MTERF4: variants seen among roughly 807,000 people sequenced by gnomAD.
MTERF4 encodes mitochondrial transcription termination factor 4.
MTERF4 carries 17 observed loss-of-function variants against 22.5 expected under a neutral mutation model. That is an observed-to-expected ratio of 0.75 (90% CI 0.52 to 1.13). The LOEUF (loss-of-function observed/expected upper bound fraction) is 1.13, where lower values mean the gene tolerates loss of function less well. Ranked by LOEUF, MTERF4 falls within the 50% of genes most tolerant of loss-of-function variation. The pLI is 0.00. For synonymous variants in MTERF4, 165 were observed against 175.3 expected, an observed-to-expected ratio of 0.94 and a Z score of 0.47; for missense variants, 420 against 466.8, an observed-to-expected ratio of 0.90 and a Z score of 0.92.
the MTERF4 span, chr2:241,048,329 C>T: frequency 6.2e-7 from 1 of 1,606,976 alleles, no homozygotes; most frequent in Non-Finnish European, 8.5e-7. Flanking sequence ...CCATCCAGTG[C>T]CAGACGCCTG....
chr2:241,076,042 C>T (rs551375418), intron 4 of MTERF4, among the ~76,000 whole-genome samples: 1 of 152,204 alleles, frequency 6.6e-6, no homozygotes, highest in African/African-American at 2.4e-5. Flanking sequence ...TGTGTTCACT[C>T]TAACTTTGTA....
intron 4 of MTERF4, among the ~76,000 whole-genome samples, chr2:241,076,832 C>CTA (rs1303689160): frequency 6.6e-6 from 1 of 152,216 alleles, no homozygotes; most frequent in Non-Finnish European, 1.5e-5. Flanking sequence ...TGGCTCAGGC[C>CTA]TGTAATCCCA....
chr2:241,073,964 C>T lies in MTERF4; in HGVS notation n.2198G>A, dbSNP rs1418120741. On this transcript the variant is annotated non_coding_transcript_exon_variant, in exon 5 of 5. Transcript: ENST00000464344. The surrounding 1 kb of genome is among the most constrained non-coding windows in gnomAD (Gnocchi z 6.6). Reference sequence around the variant, plus strand: ...CACGAGGCAGTTCCCCTTCGGGCAGCACCAATACATGTGTGTTCCTCACCC... The same window carrying T: ...CACGAGGCAGTTCCCCTTCGGGCAGTACCAATACATGTGTGTTCCTCACCC... The T allele has an allele frequency of 6.4e-6, 1 of 155,958 alleles. No homozygotes were observed. Among genetic ancestry groups the T allele is most frequent in the East Asian group, 1.9e-4 (1 of 5,324 alleles). 9.7% of individuals were successfully genotyped at this position (155,958 alleles called of 1,614,324 possible). A position where few individuals can be genotyped will look rare whatever the true frequency, so the allele number is the denominator to read the frequency against.
chr2:241,051,780 A>AC, the MTERF4 span: 2 of 1,551,188 alleles, frequency 1.3e-6, no homozygotes, highest in South Asian at 1.2e-5. This position sits in a 1 kb window ranked among gnomAD's most constrained non-coding sequence, Gnocchi z 4.7. Context: ...CCCTGCCGGA[A>AC]CGGGGGCACG....
intron 4 of MTERF4, among the ~76,000 whole-genome samples, chr2:241,078,538 CAG>C (rs2063158209): frequency 6.6e-6 from 1 of 151,784 alleles, no homozygotes; most frequent in African/African-American, 2.4e-5. Flanking sequence ...AAGCCAGACA[CAG>C]AAGACTCTAT....
downstream of MTERF4, chr2:241,092,562 C>T (rs2064104123): frequency 6.6e-6 from 1 of 152,136 alleles, no homozygotes; most frequent in African/African-American, 2.4e-5. The surrounding 1 kb of genome is among the most constrained non-coding windows in gnomAD (Gnocchi z 4.6). Flanking sequence ...AGAAAGACCC[C>T]TGAATTTTCA....
the MTERF4 span, chr2:241,064,114 A>G: frequency 3.8e-6 from 6 of 1,558,894 alleles, no homozygotes; most frequent in East Asian, 1.4e-4. This position sits in a 1 kb window ranked among gnomAD's most constrained non-coding sequence, Gnocchi z 7.0. Flanking sequence ...TTCGGCTACC[A>G]CTGCGAGACA....
the MTERF4 span, among the ~76,000 whole-genome samples, chr2:241,052,635 C>CGGGGG: frequency 2.3e-5 from 2 of 88,520 alleles, no homozygotes; most frequent in African/African-American, 8.3e-5. Context: ...GTGAGAGGGC[C>CGGGGG]GGGGGGCCAA....
the MTERF4 span, among the ~76,000 whole-genome samples, chr2:241,061,819 C>G: frequency 6.6e-6 from 1 of 150,446 alleles, no homozygotes; most frequent in Non-Finnish European, 1.5e-5. Flanking sequence ...TGCCACTGCA[C>G]TCCAGCCTGG....
chr2:241,096,748 A>G lies in MTERF4; in HGVS notation c.706-310T>C, dbSNP rs2064450986. ...GGGAAGGAAAAGGATGAATATGGAA[A>G]GAATAGGCAAAACATTCAGAAAACA... On this transcript the variant is annotated intron_variant, in intron 3 of 3. Transcript: ENST00000391980. The surrounding 1 kb of genome is among the most constrained non-coding windows in gnomAD (Gnocchi z 5.1). 1 of 570,288 alleles carries G rather than the reference A, an allele frequency of 1.8e-6. No homozygotes were observed. 35.3% of individuals were successfully genotyped at this position (570,288 alleles called of 1,614,324 possible).
downstream of MTERF4, chr2:241,089,367 T>TA (rs542193760): frequency 1.9e-6 from 3 of 1,550,434 alleles, no homozygotes; most frequent in African/African-American, 1.4e-5. Context: ...GTTACGTGCC[T>TA]AAAAAAATAA....
At position 241,073,218 on chromosome 2, in the gene MTERF4, C is replaced by T. The variant is rs759057726; in HGVS notation, n.2944G>A. On this transcript the variant is annotated non_coding_transcript_exon_variant, in exon 5 of 5. Coordinates refer to the MTERF4 transcript ENST00000464344. The surrounding 1 kb of genome is among the most constrained non-coding windows in gnomAD (Gnocchi z 6.6). ...CAAAAGGGTGGCCCCAGGACCATCC[C>T]GGGTGCAAAGCAGCTGCGCCGTGTG... 1.4e-6 allele frequency: 2 copies of T among 1,402,312 alleles called. No homozygotes were observed. Among genetic ancestry groups the T allele is most frequent in the South Asian group, 2.5e-5 (2 of 80,804 alleles). The allele number at this position is 1,402,312 out of a possible 1,614,324, so 86.9% of individuals were successfully genotyped here.
In MTERF4 at chr2:241,081,081, C is replaced by G. The variant is rs559733474; in HGVS notation, n.480-5399G>C. On this transcript the variant is annotated intron_variant and non_coding_transcript_variant, in intron 4 of 4. Coordinates refer to the MTERF4 transcript ENST00000464344. Reference sequence around the variant, plus strand: ...ACCAGTGACCAGTCCTCGTGTCACTCGAGTGGGACTTGGACACATCACAGG... The same window carrying G: ...ACCAGTGACCAGTCCTCGTGTCACTGGAGTGGGACTTGGACACATCACAGG... 2.0e-5 allele frequency among the ~76,000 whole-genome samples: 3 copies of G among 152,332 alleles called. No individual in the cohort carries two copies. The South Asian group carries it at 6.2e-4, about 32-fold the overall frequency.
At chr2:241,078,548 T>C (rs867299598) in intron 4 of MTERF4, among the ~76,000 whole-genome samples, 5 of 151,754 alleles carry the variant, frequency 3.3e-5, no homozygotes, top group Non-Finnish European at 5.9e-5. Flanking sequence ...CAGAAGACTC[T>C]ATGTACTATG....
chr2:241,065,957 G>T, the MTERF4 span, among the ~76,000 whole-genome samples: 8 of 152,274 alleles, frequency 5.3e-5, no homozygotes, highest in Non-Finnish European at 7.4e-5. Context: ...GTGGGCTTGG[G>T]GGGGCTGGGA....
chr2:241,056,580 A>ATTTTTTTTT, the MTERF4 span, among the ~76,000 whole-genome samples: 4,836 of 110,844 alleles, frequency 0.044, 619 homozygotes, highest in East Asian at 0.16. Context: ...AATAAGTGAA[A>ATTTTTTTTT]TTTTTTTTTT....
chr2:241,049,874 A>T, the MTERF4 span: 1 of 1,613,846 alleles, frequency 6.2e-7, no homozygotes, highest in Non-Finnish European at 8.5e-7. Flanking sequence ...TGCGATGCCC[A>T]TGACGACTCC....
At chr2:241,089,087 G>A (rs2063742558), downstream of MTERF4, 2 of 462,642 alleles carry the variant, frequency 4.3e-6, no homozygotes, top group Non-Finnish European at 3.8e-6. Flanking sequence ...CACACAAACT[G>A]CCGAATCTTA....
At chr2:241,072,577 C>G (rs879846015) in exon 5 of MTERF4, 1 of 269,030 alleles carries the variant, frequency 3.7e-6, no homozygotes, top group Non-Finnish European at 7.2e-6. Context: ...AAAAACTCCT[C>G]AGGCAGAGGA....
Sources: gnomAD v4.1 joint callset for allele counts (sites outside exome capture counted in the v4.1 genomes callset) on GRCh38, gnomAD v4.1.1 for gene constraint, Gnocchi (gnomAD v3.1) non-coding constraint, MANE v1.5 for transcripts, NCBI Gene and HGNC (gene_info 2026-07-23, HGNC 2026-07-21) for gene names.